B3GALT1: variants seen among roughly 807,000 people sequenced by gnomAD.
B3GALT1 encodes UDP-Gal:betaGlcNAc beta 1,3-galactosyltransferase, polypeptide 1.
In B3GALT1, 10 loss-of-function variants were observed where a neutral mutation model predicts 23.2. The observed-to-expected ratio is 0.43, with a 90% CI of 0.27 to 0.73. The LOEUF (loss-of-function observed/expected upper bound fraction) is 0.73. B3GALT1 is among the 30% of genes least tolerant of loss of function. B3GALT1 has a pLI of 0.21. For missense variants in B3GALT1, 299 were observed against 405.4 expected (o/e 0.74, Z 2.25); for synonymous variants, 156 against 141.5 (o/e 1.10, Z -0.73).
Position 167,699,378 on chromosome 2 carries a change from C to CTTTTTTTTTTTTTT in B3GALT1, c.-352+52413_-352+52414insTTTTTTTTTTTTTT, listed in dbSNP as rs1285786645. On this transcript the variant is annotated intron_variant, in intron 3 of 4. Transcript: ENST00000392690. ...TTGGGGGAGTTTTTTGCCATTATTT[C>CTTTTTTTTTTTTTT]TATTTTTTTTTTTTTTTTTTTTTTT... Among the ~76,000 whole-genome samples the CTTTTTTTTTTTTTT allele has an allele frequency of 1.1e-4, 9 of 78,664 alleles. No individual in the cohort carries two copies. In the East Asian group the frequency reaches 1.3e-3, roughly 11 times the overall value. The allele number at this position is 78,664 out of a possible 152,430, so 51.6% of individuals were successfully genotyped here. A position where few individuals can be genotyped will look rare whatever the true frequency, so the allele number is the denominator to read the frequency against.
At chr2:167,302,886 A>G (rs527837737) in intron 1 of B3GALT1, among the ~76,000 whole-genome samples, 4 of 152,328 alleles carry the variant, frequency 2.6e-5, no homozygotes, top group Non-Finnish European at 4.4e-5. Context: ...CTCTTGGCTC[A>G]TATCTGTAGC....
chr2:167,555,397 C>T (rs7587383), intron 2 of B3GALT1, among the ~76,000 whole-genome samples: 1,774 of 152,298 alleles, frequency 0.012, 29 homozygotes, highest in African/African-American at 0.04. Flanking sequence ...TGCAAAGTCC[C>T]TGTTCTTTCC....
At chr2:167,747,672 T>G (rs961311519) in intron 3 of B3GALT1, among the ~76,000 whole-genome samples, 3 of 152,234 alleles carry the variant, frequency 2.0e-5, no homozygotes, top group Admixed American at 1.3e-4. Context: ...GAATACCGTG[T>G]GAGTCTAGCT....
Position 167,869,156 on chromosome 2 carries a change from C to G in B3GALT1, c.117C>G (p.Ser39Arg), listed in dbSNP as rs1377484490. 6.2e-7 allele frequency: 1 copy of G among 1,614,058 alleles called. No individual in the cohort carries two copies. The highest frequency in any genetic ancestry group is 1.3e-5 in the African/African-American group (1 of 74,898). ...TSSYTGSKPF[S>R]HLTVARKNFT... is the part of the protein sequence containing the mutation. ...CTTACACTGGCTCCAAACCATTCAGCCACCTAACAGTTGCCAGGAAAAACT... is the reference window on the plus strand; with the variant it reads ...CTTACACTGGCTCCAAACCATTCAGGCACCTAACAGTTGCCAGGAAAAACT... Residue 39 changes from serine (S) to arginine (R), a missense_variant, in exon 5 of 5, where the codon AGC becomes AGG. Around this residue, in one of 3 missense-constraint regions of B3GALT1, gnomAD observed 162 missense variants for 184.1 expected, o/e 0.88. Transcript: ENST00000392690. This position sits in a 1 kb window ranked among gnomAD's most constrained non-coding sequence, Gnocchi z 6.4.
intron 1 of B3GALT1, among the ~76,000 whole-genome samples, chr2:167,465,776 A>G (rs1400319707): frequency 6.7e-6 from 1 of 149,710 alleles, no homozygotes; most frequent in African/African-American, 2.5e-5. Context: ...CTAGTAGTTG[A>G]GATTAAACTG....
At chr2:167,477,111 A>G (rs1699498637) in intron 1 of B3GALT1, among the ~76,000 whole-genome samples, 1 of 152,228 alleles carries the variant, frequency 6.6e-6, no homozygotes, top group South Asian at 2.1e-4. Context: ...AATGCTTTTC[A>G]TGTTTCAAAT....
At chr2:167,614,089 G>GA (rs1230185832) in intron 2 of B3GALT1, among the ~76,000 whole-genome samples, 1 of 151,322 alleles carries the variant, frequency 6.6e-6, no homozygotes, top group Non-Finnish European at 1.5e-5. Context: ...TACATATTGG[G>GA]AAAAAAAGAG....
rs982901257 is a variant in B3GALT1, at chr2:167,659,101, T to A, written c.-352+12135T>A. 2.6e-5 allele frequency among the ~76,000 whole-genome samples: 4 copies of A among 152,270 alleles called. No homozygotes were observed. The East Asian group carries it at 7.7e-4, about 29-fold the overall frequency. ...TTGAAAAGTCTGTAATTCTGTGATT[T>A]AGAACTTGACTGCAATTTGGAAAAA... On this transcript the variant is annotated intron_variant, in intron 3 of 4. Transcript: ENST00000392690.
chr2:167,660,787 T>C (rs1686047502), intron 3 of B3GALT1, among the ~76,000 whole-genome samples: 1 of 152,110 alleles, frequency 6.6e-6, no homozygotes, highest in Admixed American at 6.6e-5. Flanking sequence ...GATTTTCACA[T>C]AACTATAGGT....
rs1274068565 is a variant in B3GALT1, at chr2:167,856,821, G to GC, written c.-229-11988dup. ...AAGCATGATAGTAATTGGCAGTGAT[G>GC]CCAGGGTCAAGAGAAGGTTTTGCTG... On this transcript the variant is annotated intron_variant, in intron 4 of 4. Transcript: ENST00000392690. Among the ~76,000 whole-genome samples the GC allele has an allele frequency of 2.0e-5, 3 of 152,276 alleles. No homozygotes were observed. The East Asian group carries it at 5.8e-4, about 29-fold the overall frequency.
chr2:167,833,066 G>A (rs1169084967), intron 4 of B3GALT1, among the ~76,000 whole-genome samples: 1 of 152,178 alleles, frequency 6.6e-6, no homozygotes, highest in East Asian at 1.9e-4. Context: ...TAAGGGACAG[G>A]CAGAGGGGCA....
rs397870339 is a variant in B3GALT1, at chr2:167,871,891, C to CTTTTTTTTTTTTTTTTTTT, written c.*1881_*1899dup. ...AGAGTGTACCTTTTTTATTTATTTA[C>CTTTTTTTTTTTTTTTTTTT]TTTTTTTTTTTTTTTTTTTTTTTTT... On this transcript the variant is annotated 3_prime_UTR_variant, in exon 5 of 5. Coordinates refer to ENST00000392690, the MANE Select transcript of B3GALT1 (RefSeq NM_020981.4). 39 of 62,464 alleles carry CTTTTTTTTTTTTTTTTTTT rather than the reference C, an allele frequency of 6.2e-4. 6 individuals are homozygous for CTTTTTTTTTTTTTTTTTTT. The highest frequency in any genetic ancestry group is 8.3e-4 in the Non-Finnish European group (27 of 32,556). 3.9% of individuals were successfully genotyped at this position (62,464 alleles called of 1,614,324 possible). A position where few individuals can be genotyped will look rare whatever the true frequency, so the allele number is the denominator to read the frequency against.
At chr2:167,816,335 A>T (rs886909386) in intron 3 of B3GALT1, among the ~76,000 whole-genome samples, 1 of 152,224 alleles carries the variant, frequency 6.6e-6, no homozygotes, top group Admixed American at 6.5e-5. Context: ...ATCCCAAAAC[A>T]AAACAGAATG....
chr2:167,747,752 G>A (rs915439608), intron 3 of B3GALT1, among the ~76,000 whole-genome samples: 1 of 152,198 alleles, frequency 6.6e-6, no homozygotes, highest in African/African-American at 2.4e-5. Context: ...CATGGAGAAT[G>A]GGAAGTACCT....
intron 1 of B3GALT1, among the ~76,000 whole-genome samples, chr2:167,307,143 A>G (rs1696563999): frequency 6.6e-6 from 1 of 152,054 alleles, no homozygotes; most frequent in South Asian, 2.1e-4. Context: ...GTAGTGGTAT[A>G]TGTTCAAAAA....
chr2:167,596,225 G>A (rs1193487195), intron 2 of B3GALT1, among the ~76,000 whole-genome samples: 1 of 152,184 alleles, frequency 6.6e-6, no homozygotes, highest in East Asian at 1.9e-4. Context: ...GAGAACGATA[G>A]GTCATTTGCT....
At chr2:167,631,818 C>CTTTTTTTTTTTTTTTT (rs1685453193) in intron 2 of B3GALT1, among the ~76,000 whole-genome samples, 1 of 123,090 alleles carries the variant, frequency 8.1e-6, no homozygotes. Context: ...TATTAATATA[C>CTTTTTTTTTTTTTTTT]TTTAAGTTCC....
chr2:167,868,690 A>G (rs1213076726), intron 4 of B3GALT1, among the ~76,000 whole-genome samples, 121 bp from the exon 5 acceptor site: 2 of 152,196 alleles, frequency 1.3e-5, no homozygotes, highest in Non-Finnish European at 2.9e-5. Flanking sequence ...TACTGATGGA[A>G]ATGAATGATC....
Position 167,754,050 on chromosome 2 carries a change from G to C in B3GALT1, c.-351-64622G>C, listed in dbSNP as rs554434167. 1.4e-4 allele frequency among the ~76,000 whole-genome samples: 22 copies of C among 152,266 alleles called. 1 individual carries two copies. The highest frequency in any genetic ancestry group is 6.8e-3 in the Middle Eastern group (2 of 292). ...AAAAATCAAATAATAAATGGTTACC[G>C]TATTGGCAATGTAAATATTCCCTTA... On this transcript the variant is annotated intron_variant, in intron 3 of 4. Transcript: ENST00000392690.
Sources: allele counts gnomAD v4.1 joint callset (sites outside exome capture counted in the v4.1 genomes callset), GRCh38; gene constraint gnomAD v4.1.1; regional missense constraint gnomAD v4.1.1; non-coding constraint Gnocchi (gnomAD v3.1); transcripts MANE v1.5; gene names NCBI Gene and HGNC (gene_info 2026-07-23, HGNC 2026-07-21).